Variants in ACSBG2 observed in about 807,000 individuals in gnomAD.
The protein encoded by ACSBG2 is long-chain-fatty-acid--CoA ligase ACSBG2.
Under a neutral mutation model 74.7 loss-of-function variants are expected in ACSBG2, and 62 were observed. The ratio of observed to expected loss-of-function variants is 0.83; its 90% CI spans 0.68 to 1.03. The LOEUF (loss-of-function observed/expected upper bound fraction) is 1.03, where lower values mean the gene tolerates loss of function less well. ACSBG2 is among the 50% of genes least tolerant of loss of function. ACSBG2 has a pLI of 0.00. For missense variants in ACSBG2, 730 were observed against 817.6 expected (o/e 0.89, Z 1.31); for synonymous variants, 309 against 294.1 (o/e 1.05, Z -0.52).
chr19:6,160,184 A>T (rs2089558218), intron 5 of ACSBG2, among the ~76,000 whole-genome samples: 1 of 151,836 alleles, frequency 6.6e-6, no homozygotes, highest in African/African-American at 2.4e-5. Context: ...AGGTCAGGAG[A>T]TCGAGACCAT....
At chr19:6,138,557 GGAAGGAAA>G (rs2088676195) in intron 1 of ACSBG2, among the ~76,000 whole-genome samples, 1 of 110,428 alleles carries the variant, frequency 9.1e-6, no homozygotes, top group Non-Finnish European at 1.8e-5. Context: ...GAGGGAGGAA[GGAAGGAAA>G]GAAGGGAGGG....
At chr19:6,178,267 T>C (rs2090143301) in intron 8 of ACSBG2, among the ~76,000 whole-genome samples, 1 of 152,112 alleles carries the variant, frequency 6.6e-6, no homozygotes, top group African/African-American at 2.4e-5. Context: ...CAGAATTAAG[T>C]TGCCTTTCTT....
At chr19:6,141,458 A>C in intron 1 of ACSBG2, 55 bp from the exon 2 acceptor site, 1 of 860,282 alleles carries the variant, frequency 1.2e-6, no homozygotes, top group Admixed American at 1.8e-5. Context: ...AGTTGGCCTC[A>C]TCCCTACAGC....
chr19:6,154,136 G>C (rs183083794), intron 4 of ACSBG2, among the ~76,000 whole-genome samples: 1 of 151,966 alleles, frequency 6.6e-6, no homozygotes, highest in Admixed American at 6.6e-5. Context: ...GGGTGCAGTG[G>C]CTCATGCCTG....
At chr19:6,161,646 T>G in intron 6 of ACSBG2, 1 of 197,062 alleles carries the variant, frequency 5.1e-6, no homozygotes, top group Non-Finnish European at 1.1e-5. Context: ...CAAAGGGATG[T>G]GGGTGGGGCT....
At chr19:6,148,590 A>T (rs907432161) in intron 3 of ACSBG2, among the ~76,000 whole-genome samples, 2 of 151,576 alleles carry the variant, frequency 1.3e-5, no homozygotes, top group African/African-American at 4.9e-5. Context: ...GGCTGCAATG[A>T]CCTGTGATTG....
intron 4 of ACSBG2, among the ~76,000 whole-genome samples, chr19:6,154,402 A>AGAGAGAG (rs2089343129): frequency 1.2e-5 from 1 of 83,298 alleles, no homozygotes; most frequent in Non-Finnish European, 2.5e-5. Flanking sequence ...CCGTCTCAAA[A>AGAGAGAG]AGAGAGAGAG....
intron 7 of ACSBG2, among the ~76,000 whole-genome samples, chr19:6,173,974 T>C (rs2090031361): frequency 6.7e-6 from 1 of 150,208 alleles, no homozygotes; most frequent in Non-Finnish European, 1.5e-5. Context: ...GTCTGCTCTG[T>C]CGCTCAGGTT....
Position 6,182,822 on chromosome 19 carries a change from G to A in ACSBG2, c.978G>A (p.Lys326=). 6.2e-7 allele frequency: 1 copy of A among 1,614,206 alleles called. No individual in the cohort carries two copies. Among genetic ancestry groups the A allele is most frequent in the South Asian group, 1.1e-5 (1 of 91,084 alleles). The part of the protein sequence containing the change: ...VFIGVPQIWE[K]IHEMVKKNSA... Reference sequence around the variant, plus strand: ...TTGGAGTGCCTCAAATTTGGGAGAAGATACATGAGATGGTGAAGAAAAATA... The same window carrying A: ...TTGGAGTGCCTCAAATTTGGGAGAAAATACATGAGATGGTGAAGAAAAATA... The change falls in exon 9 of 15, where the codon AAG becomes AAA. Residue 326 remains lysine (K), a synonymous_variant. Coordinates refer to ENST00000588485, the MANE Select transcript of ACSBG2 (RefSeq NM_030924.5).
chr19:6,166,490 G>T (rs540986925), intron 7 of ACSBG2, among the ~76,000 whole-genome samples: 2 of 152,012 alleles, frequency 1.3e-5, no homozygotes, highest in Admixed American at 6.5e-5. Context: ...ATTTTTGTAT[G>T]TTTATTAGAG....
intron 1 of ACSBG2, among the ~76,000 whole-genome samples, chr19:6,140,366 C>T (rs1006052749): frequency 7.9e-5 from 12 of 152,086 alleles, no homozygotes; most frequent in African/African-American, 2.4e-4. Context: ...GAATCCTGTC[C>T]GCTACTGATG....
chr19:6,165,086 C>T (rs1267134008), intron 6 of ACSBG2, among the ~76,000 whole-genome samples: 1 of 152,172 alleles, frequency 6.6e-6, no homozygotes, highest in East Asian at 1.9e-4. Flanking sequence ...AACAAACAAA[C>T]AAAAAGATAA....
chr19:6,167,945 G>A (rs1431904608), intron 7 of ACSBG2, among the ~76,000 whole-genome samples: 1 of 151,512 alleles, frequency 6.6e-6, no homozygotes, highest in Non-Finnish European at 1.5e-5. Context: ...CACCCCATCC[G>A]GTTACCCGCC....
intron 6 of ACSBG2, among the ~76,000 whole-genome samples, chr19:6,161,830 C>G (rs1324060846): frequency 6.6e-6 from 1 of 152,030 alleles, no homozygotes; most frequent in Non-Finnish European, 1.5e-5. Flanking sequence ...TCTGTTCTGG[C>G]TAATTACTGC....
chr19:6,167,642 T>G (rs2089845603), intron 7 of ACSBG2, among the ~76,000 whole-genome samples: 1 of 152,218 alleles, frequency 6.6e-6, no homozygotes, highest in Non-Finnish European at 1.5e-5. Flanking sequence ...CTGATTTTTC[T>G]ACAACTATGG....
In ACSBG2 at chr19:6,183,064, C is replaced by T. The variant is rs763484624; in HGVS notation, c.1114C>T (p.Arg372Cys). Residue 372 changes from arginine to cysteine, a missense_variant, in exon 10 of 15, where the codon CGC becomes TGC. Coordinates refer to ENST00000588485, the MANE Select transcript of ACSBG2 (RefSeq NM_030924.5). ...GAAATATAATACTCCCGTGAGCTAC[C>T]GCATGGCTAAGACTCTCGTGTTCAG... ...LGKYNTPVSY[R>C]MAKTLVFSKV... 1.9e-6 allele frequency: 3 copies of T among 1,614,162 alleles called. No individual in the cohort carries two copies. The highest frequency in any genetic ancestry group is 1.3e-5 in the African/African-American group (1 of 75,050).
chr19:6,189,704 T>A (rs1344105214), intron 13 of ACSBG2: 5 of 151,076 alleles, frequency 3.3e-5, no homozygotes, highest in Non-Finnish European at 5.9e-5. Flanking sequence ...ATTTTCTTTC[T>A]TTCTTTCTTT....
chr19:6,144,090 C>T (rs11665848), intron 2 of ACSBG2, among the ~76,000 whole-genome samples: 94,308 of 152,002 alleles, frequency 0.62, 29,844 homozygotes, highest in Admixed American at 0.69. Flanking sequence ...CTCCACCTCC[C>T]GGGTTCAAGC....
chr19:6,188,096 G>A (rs529064690), intron 13 of ACSBG2, among the ~76,000 whole-genome samples: 2 of 152,234 alleles, frequency 1.3e-5, no homozygotes, highest in South Asian at 4.1e-4. Flanking sequence ...CAACTCTATG[G>A]GCTTTCTTGA....
Sources: gnomAD v4.1 joint callset for allele counts (sites outside exome capture counted in the v4.1 genomes callset) on GRCh38, gnomAD v4.1.1 for gene constraint, MANE v1.5 for transcripts, NCBI Gene and HGNC (gene_info 2026-07-23, HGNC 2026-07-21) for gene names.